ANO2: variants seen among roughly 807,000 people sequenced by gnomAD.
ANO2 encodes anoctamin 2.
A neutral mutation model predicts 124.2 loss-of-function variants in ANO2; 101 were observed. That is an observed-to-expected ratio of 0.81 (90% CI 0.69 to 0.96). ANO2 has a LOEUF of 0.96. Among genes scored for constraint, ANO2 ranks in the 40% least tolerant of loss-of-function variants. The pLI is 0.00. For missense variants in ANO2, 1,293 were observed against 1,274.5 expected (o/e 1.01, Z -0.22); for synonymous variants, 486 against 482.5 (o/e 1.01, Z -0.09).
At chr12:5,939,706 C>T (rs901456936) in intron 1 of ANO2, among the ~76,000 whole-genome samples, 1 of 152,182 alleles carries the variant, frequency 6.6e-6, no homozygotes, top group African/African-American at 2.4e-5. Flanking sequence ...GTAGAAAGCG[C>T]ATGGAAGAAC....
chr12:5,714,121 T>C (rs1949926684), intron 14 of ANO2, among the ~76,000 whole-genome samples: 1 of 152,228 alleles, frequency 6.6e-6, no homozygotes, highest in South Asian at 2.1e-4. Flanking sequence ...TTCTTTTCAC[T>C]TTCCTACAAG....
chr12:5,686,115 G>C lies in ANO2; in HGVS notation c.1546-38314C>G, dbSNP rs568242189. Among the ~76,000 whole-genome samples, 13 of 152,240 alleles carry C rather than the reference G, an allele frequency of 8.5e-5. No homozygotes were observed. The South Asian group carries it at 2.7e-3, about 32-fold the overall frequency. On this transcript the variant is annotated intron_variant, in intron 14 of 24. Coordinates refer to ENST00000682330, the MANE Select transcript of ANO2 (RefSeq NM_001364791.2). Reference sequence around the variant, plus strand: ...GCAAGCAGGTGGGAAACTCCCCCAGGGGCAAGTCCCGGGTAGCTCTCGAGA... The same window carrying C: ...GCAAGCAGGTGGGAAACTCCCCCAGCGGCAAGTCCCGGGTAGCTCTCGAGA...
In ANO2 at chr12:5,909,490, C is replaced by T. The variant is rs114978075; in HGVS notation, c.534+11550G>A. Among the ~76,000 whole-genome samples the T allele has an allele frequency of 7.6e-3, 1,154 of 152,288 alleles. 14 individuals are homozygous for T. Among genetic ancestry groups the T allele is most frequent in the African/African-American group, 0.026 (1,088 of 41,554 alleles). On this transcript the variant is annotated intron_variant, in intron 3 of 24. Coordinates refer to ENST00000682330, the MANE Select transcript of ANO2 (RefSeq NM_001364791.2). ...ATCCCTGATTTCACACCCAACCTTC[C>T]CTTTTTCCAGAATAGAAGTCGAGAT...
intron 10 of ANO2, among the ~76,000 whole-genome samples, chr12:5,784,160 C>T (rs80171124): frequency 6.6e-6 from 1 of 151,892 alleles, no homozygotes; most frequent in East Asian, 1.9e-4. Flanking sequence ...CTATTCCCCC[C>T]TATCTGGAAT....
chr12:5,770,065 A>G (rs1952027413), intron 10 of ANO2, among the ~76,000 whole-genome samples: 1 of 152,224 alleles, frequency 6.6e-6, no homozygotes, highest in Non-Finnish European at 1.5e-5. Flanking sequence ...CAAAGCCCTT[A>G]GGTTGCAGAC....
chr12:5,792,269 G>A (rs1952719389), intron 10 of ANO2, among the ~76,000 whole-genome samples: 2 of 152,118 alleles, frequency 1.3e-5, no homozygotes, highest in South Asian at 4.1e-4. Context: ...AGGGTCTGAT[G>A]AACACATACA....
At chr12:5,891,533 G>A (rs766621857) in intron 3 of ANO2, among the ~76,000 whole-genome samples, 2 of 152,164 alleles carry the variant, frequency 1.3e-5, no homozygotes, top group Non-Finnish European at 2.9e-5. Flanking sequence ...CAAAGATCAC[G>A]GAGAGGCAAG....
At chr12:5,620,295 T>C (rs1013333193) in intron 16 of ANO2, among the ~76,000 whole-genome samples, 3 of 152,174 alleles carry the variant, frequency 2.0e-5, no homozygotes, top group African/African-American at 7.2e-5. Flanking sequence ...GCATCTGTCA[T>C]AGTCCAAGCT....
intron 3 of ANO2, among the ~76,000 whole-genome samples, chr12:5,913,095 C>A (rs1164295930): frequency 6.6e-6 from 1 of 152,168 alleles, no homozygotes; most frequent in Non-Finnish European, 1.5e-5. Flanking sequence ...GCAGCCTGCC[C>A]TCTGTGGATG....
At chr12:5,659,167 T>C (rs537571824) in intron 14 of ANO2, among the ~76,000 whole-genome samples, 2 of 152,238 alleles carry the variant, frequency 1.3e-5, no homozygotes, top group Admixed American at 6.5e-5. Context: ...GCACCTACTA[T>C]AGCAGCAGAG....
chr12:5,580,477 T>G (rs1329568238), intron 20 of ANO2, among the ~76,000 whole-genome samples: 1 of 152,208 alleles, frequency 6.6e-6, no homozygotes, highest in Non-Finnish European at 1.5e-5. Context: ...ACTAGAGGTA[T>G]GATTTTGGCC....
chr12:5,675,329 C>T (rs982744873), intron 14 of ANO2, among the ~76,000 whole-genome samples: 3 of 152,204 alleles, frequency 2.0e-5, no homozygotes, highest in African/African-American at 7.2e-5. Context: ...ATGATACACA[C>T]AGTCTCTGCC....
chr12:5,760,418 G>A (rs1380552777), intron 10 of ANO2, among the ~76,000 whole-genome samples: 1 of 152,176 alleles, frequency 6.6e-6, no homozygotes, highest in Non-Finnish European at 1.5e-5. Context: ...TAAAGAGTAA[G>A]AACAGTGAAT....
At chr12:5,913,204 C>T (rs1023145250) in intron 3 of ANO2, among the ~76,000 whole-genome samples, 2 of 152,164 alleles carry the variant, frequency 1.3e-5, no homozygotes, top group Non-Finnish European at 2.9e-5. Flanking sequence ...CCCTAGTTTC[C>T]CCAGCAAAGC....
chr12:5,578,506 C>A lies in ANO2; in HGVS notation c.2246G>T (p.Gly749Val), dbSNP rs778589015. 32 of 1,613,358 alleles carry A rather than the reference C, an allele frequency of 2.0e-5. No homozygotes were observed. Among genetic ancestry groups the A allele is most frequent in the Non-Finnish European group, 2.5e-5 (30 of 1,179,700 alleles). The stretch of plus-strand genomic sequence containing the variant: ...GGAGGCCACGAAGAGGGTGACAAAA[C>A]CAAACTGGATGACTGCGAGAGAGCA... ...PEYMEMIIQF[G>V]FVTLFVASFP... Residue 749 changes from glycine to valine, a missense_variant, in exon 21 of 25, where the codon GGT becomes GTT. Physicochemically the swap from Gly to Val is moderately radical, Grantham distance 109. Coordinates refer to ENST00000682330, the MANE Select transcript of ANO2 (RefSeq NM_001364791.2).
chr12:5,579,741 C>T (rs1218468219), intron 20 of ANO2, among the ~76,000 whole-genome samples: 1 of 152,172 alleles, frequency 6.6e-6, no homozygotes, highest in African/African-American at 2.4e-5. Flanking sequence ...AATCTGCCTC[C>T]CTAGCTTCAT....
chr12:5,700,549 A>G (rs1949361491), intron 14 of ANO2, among the ~76,000 whole-genome samples: 1 of 152,212 alleles, frequency 6.6e-6, no homozygotes, highest in South Asian at 2.1e-4. Flanking sequence ...GCAAGAGCAA[A>G]CAAATTCAAA....
chr12:5,714,126 T>C (rs1159769971), intron 14 of ANO2, among the ~76,000 whole-genome samples: 1 of 152,216 alleles, frequency 6.6e-6, no homozygotes, highest in East Asian at 1.9e-4. Context: ...TTCACTTTCC[T>C]ACAAGTAGAT....
At chr12:5,872,801 A>C (rs2137283546) in intron 3 of ANO2, among the ~76,000 whole-genome samples, 1 of 152,230 alleles carries the variant, frequency 6.6e-6, no homozygotes, top group African/African-American at 2.4e-5. Context: ...GGGCTCTGGA[A>C]CCTGTCAGCC....
Sources: gnomAD v4.1 joint callset for allele counts (sites outside exome capture counted in the v4.1 genomes callset) on GRCh38, gnomAD v4.1.1 for gene constraint, MANE v1.5 for transcripts, NCBI Gene and HGNC (gene_info 2026-07-23, HGNC 2026-07-21) for gene names.